The following MYO5C variants were observed in gnomAD, a reference collection of about 807,000 sequenced individuals.
MYO5C encodes the protein unconventional myosin-Vc.
MYO5C carries 194 observed loss-of-function variants against 235.7 expected under a neutral mutation model. The ratio of observed to expected loss-of-function variants is 0.82; its 90% CI spans 0.73 to 0.93. The LOEUF (loss-of-function observed/expected upper bound fraction) is 0.93. MYO5C is among the 40% of genes least tolerant of loss of function. The probability of loss-of-function intolerance (pLI) is 0.00; values close to 1 mark genes in which losing one functional copy is unlikely to be tolerated. For synonymous variants in MYO5C, 707 were observed against 754.8 expected (o/e 0.94, Z 1.04); for missense variants, 2,038 against 2,127.2 (o/e 0.96, Z 0.82).
chr15:52,228,380 G>A (rs2035876565), intron 25 of MYO5C, among the ~76,000 whole-genome samples: 1 of 152,172 alleles, frequency 6.6e-6, no homozygotes, highest in Admixed American at 6.5e-5. Flanking sequence ...CTGACCTCAT[G>A]ATCCACCTGC....
At chr15:52,295,431 T>C (rs965365087) in intron 1 of MYO5C, among the ~76,000 whole-genome samples, 179 bp downstream of exon 1, 1 of 152,122 alleles carries the variant, frequency 6.6e-6, no homozygotes, top group Non-Finnish European at 1.5e-5. Flanking sequence ...CGACGCTCGC[T>C]CGTGTCCCCG....
intron 32 of MYO5C, among the ~76,000 whole-genome samples, chr15:52,216,482 G>A (rs1412057075): frequency 3.9e-5 from 6 of 152,046 alleles, no homozygotes; most frequent in Non-Finnish European, 8.8e-5. Context: ...TAAAGTGCTG[G>A]GATTACAGGC....
At chr15:52,235,024 A>G (rs2036046699) in intron 23 of MYO5C, among the ~76,000 whole-genome samples, 1 of 152,192 alleles carries the variant, frequency 6.6e-6, no homozygotes, top group Non-Finnish European at 1.5e-5. Context: ...TCTGGGGTAC[A>G]ACAAGTATTG....
intron 1 of MYO5C, among the ~76,000 whole-genome samples, chr15:52,289,988 C>G (rs2037353513): frequency 6.6e-6 from 1 of 152,200 alleles, no homozygotes; most frequent in Admixed American, 6.5e-5. Flanking sequence ...CAAGAGCAAA[C>G]AGCTCTGAAC....
intron 29 of MYO5C, among the ~76,000 whole-genome samples, chr15:52,223,012 G>A (rs1339832400): frequency 1.3e-5 from 2 of 152,088 alleles, no homozygotes; most frequent in African/African-American, 4.8e-5. Flanking sequence ...AGCTGACCGT[G>A]ATGGTGGGCG....
In MYO5C at chr15:52,214,694, C is replaced by G; in HGVS notation, c.3955-4G>C. ...TGTCTAATTCTTCTTCAAGATCCTA[C>G]AGCAATAAAAAGAAACCAGGATTTA... On this transcript the variant is annotated splice_polypyrimidine_tract_variant and splice_region_variant and intron_variant, in intron 32 of 40. Transcript: ENST00000261839. 2.5e-6 allele frequency: 4 copies of G among 1,580,624 alleles called. No homozygotes were observed. The highest frequency in any genetic ancestry group is 3.4e-6 in the Non-Finnish European group (4 of 1,165,496).
chr15:52,278,945 C>G lies in MYO5C; in HGVS notation c.377G>C (p.Ser126Thr), dbSNP rs755126595. 3.7e-6 allele frequency: 6 copies of G among 1,614,044 alleles called. No homozygotes were observed. Among genetic ancestry groups the G allele is most frequent in the Admixed American group, 3.3e-5 (2 of 59,990 alleles). ...IYGDAIIHAY[S>T]GQNMGDMDPH... ...GTCCATATCGCCCATGTTCTGCCCGCTGTAGGCGTGGATGATGGCATCTCC... is the reference window on the plus strand; with the variant it reads ...GTCCATATCGCCCATGTTCTGCCCGGTGTAGGCGTGGATGATGGCATCTCC... Residue 126 changes from serine to threonine, a missense_variant, in exon 4 of 41, where the codon AGC becomes ACC. Physicochemically the swap from Ser to Thr is moderately conservative, Grantham distance 58. Transcript: ENST00000261839.
chr15:52,267,516 T>C (rs1418412808), intron 8 of MYO5C, among the ~76,000 whole-genome samples: 1 of 152,000 alleles, frequency 6.6e-6, no homozygotes, highest in Non-Finnish European at 1.5e-5. Flanking sequence ...TGAAACCCCA[T>C]CTCTACTAAA....
chr15:52,230,533 C>A (rs936362473), intron 24 of MYO5C, among the ~76,000 whole-genome samples: 2 of 151,870 alleles, frequency 1.3e-5, no homozygotes, highest in African/African-American at 4.8e-5. Context: ...CTCAGCCTCC[C>A]GAGTAGCTGG....
intron 1 of MYO5C, among the ~76,000 whole-genome samples, chr15:52,286,570 G>A (rs1221275708): frequency 6.6e-6 from 1 of 152,224 alleles, no homozygotes; most frequent in South Asian, 2.1e-4. Flanking sequence ...GTAGACATGG[G>A]AGACTTTTCA....
At chr15:52,203,164 T>C (rs1431240993) in intron 38 of MYO5C, among the ~76,000 whole-genome samples, 3 of 151,878 alleles carry the variant, frequency 2.0e-5, no homozygotes, top group Admixed American at 1.3e-4. Flanking sequence ...CCCCAAATGA[T>C]CCGCCCACCT....
intron 20 of MYO5C, among the ~76,000 whole-genome samples, chr15:52,241,074 A>G (rs1344033357): frequency 1.3e-5 from 2 of 152,150 alleles, no homozygotes. Context: ...TGCCTCTAAA[A>G]GAGCCATCTC....
In MYO5C at chr15:52,214,723, T is replaced by C. The variant is rs775941670; in HGVS notation, c.3955-33A>G. 1.1e-5 allele frequency: 16 copies of C among 1,461,712 alleles called. No homozygotes were observed. The African/African-American group carries it at 1.9e-4, about 17-fold the overall frequency. The allele number at this position is 1,461,712 out of a possible 1,614,324, so 90.5% of individuals were successfully genotyped here. On this transcript the variant is annotated intron_variant, in intron 32 of 40. Coordinates refer to ENST00000261839, the MANE Select transcript of MYO5C (RefSeq NM_018728.4). ...AATAAAAAGAAACCAGGATTTAGCT[T>C]AGAAGCACTTTAATCTATTTTTTTT...
chr15:52,193,608 A>G lies in MYO5C; in HGVS notation c.*294T>C. On this transcript the variant is annotated 3_prime_UTR_variant, in exon 41 of 41. Coordinates refer to ENST00000261839, the MANE Select transcript of MYO5C (RefSeq NM_018728.4). ...GTAGAGCCCTGCCACAAGACAGAACAGATCAAGAGGCACGTGGAAGAAAAT... is the reference window on the plus strand; with the variant it reads ...GTAGAGCCCTGCCACAAGACAGAACGGATCAAGAGGCACGTGGAAGAAAAT... The G allele has an allele frequency of 3.0e-6, 1 of 331,302 alleles. No homozygotes were observed. The highest frequency in any genetic ancestry group is 5.5e-6 in the Non-Finnish European group (1 of 182,814). 20.5% of individuals were successfully genotyped at this position (331,302 alleles called of 1,614,324 possible). A position where few individuals can be genotyped will look rare whatever the true frequency, so the allele number is the denominator to read the frequency against.
At chr15:52,224,872 AAAG>A (rs1413422394) in intron 28 of MYO5C, 26 bp downstream of exon 28, 2 of 1,577,720 alleles carry the variant, frequency 1.3e-6, no homozygotes, top group Non-Finnish European at 1.7e-6. Flanking sequence ...TCTGAAAAAT[AAAG>A]AAGATCCCTG....
Position 52,278,876 on chromosome 15 carries a change from G to C in MYO5C, c.446C>G (p.Ala149Gly). The C allele has an allele frequency of 6.2e-7, 1 of 1,613,744 alleles. No individual in the cohort carries two copies. Among genetic ancestry groups the C allele is most frequent in the Non-Finnish European group, 8.5e-7 (1 of 1,179,844 alleles). ...AVAEEAYKQMARNNRNQSIIV... is the reference protein window; with the variant it reads ...AVAEEAYKQMGRNNRNQSIIV... Reference sequence around the variant, plus strand: ...GTCCAGCTTGGCAGGAAGCTACCTGGCCATCTGCTTGTATGCCTCTTCTGC... The same window carrying C: ...GTCCAGCTTGGCAGGAAGCTACCTGCCCATCTGCTTGTATGCCTCTTCTGC... The change falls in exon 4 of 41, where the codon GCC (alanine) becomes GGC (glycine). Residue 149 changes from alanine to glycine, a missense_variant. Transcript: ENST00000261839.
chr15:52,254,142 G>C (rs1301303521), intron 11 of MYO5C, among the ~76,000 whole-genome samples: 1 of 152,038 alleles, frequency 6.6e-6, no homozygotes, highest in Non-Finnish European at 1.5e-5. Flanking sequence ...GGCAAAGAAT[G>C]GTACAGTCAA....
intron 35 of MYO5C, among the ~76,000 whole-genome samples, chr15:52,210,655 C>T (rs78711125): frequency 1.3e-3 from 205 of 152,256 alleles, no homozygotes; most frequent in African/African-American, 4.8e-3. Flanking sequence ...TTCCAGAATG[C>T]GCCAAGCATT....
intron 38 of MYO5C, among the ~76,000 whole-genome samples, chr15:52,203,870 G>A (rs2141264646): frequency 6.6e-6 from 1 of 152,144 alleles, no homozygotes; most frequent in Non-Finnish European, 1.5e-5. Flanking sequence ...CCACAAATAA[G>A]TGAGAACATC....
Sources: gnomAD v4.1 joint callset for allele counts (sites outside exome capture counted in the v4.1 genomes callset) on GRCh38, gnomAD v4.1.1 for gene constraint, MANE v1.5 for transcripts, NCBI Gene and HGNC (gene_info 2026-07-23, HGNC 2026-07-21) for gene names.